AFTPH: variants seen among roughly 807,000 people sequenced by gnomAD.
The protein encoded by AFTPH is aftiphilin protein.
A neutral mutation model predicts 72.5 loss-of-function variants in AFTPH; 7 were observed. The ratio of observed to expected loss-of-function variants is 0.10; its 90% CI spans 0.05 to 0.18. AFTPH has a LOEUF of 0.18. Ranked by LOEUF, AFTPH falls within the 10% of genes least tolerant of loss-of-function variation. AFTPH has a pLI of 1.00. For synonymous variants in AFTPH, 337 were observed against 370.1 expected, an observed-to-expected ratio of 0.91 and a Z score of 1.03; for missense variants, 979 against 1,060.5, an observed-to-expected ratio of 0.92 and a Z score of 1.07.
chr2:64,559,654 A>G (rs186107897), intron 2 of AFTPH, among the ~76,000 whole-genome samples: 87 of 152,292 alleles, frequency 5.7e-4, no homozygotes, highest in Admixed American at 2.0e-3. Context: ...TCAAATCTTA[A>G]TCTCATCTAG....
chr2:64,551,401 G>C, intron 1 of AFTPH, 42 bp from the exon 2 acceptor site: 1 of 1,440,128 alleles, frequency 6.9e-7, no homozygotes, highest in Non-Finnish European at 9.4e-7. Context: ...CTTGTTCTAT[G>C]TAATCTGTCC....
intron 6 of AFTPH, 88 bp downstream of exon 6, chr2:64,573,156 T>G (rs1042538184): frequency 3.0e-6 from 3 of 1,002,928 alleles, no homozygotes; most frequent in Non-Finnish European, 4.4e-6. Context: ...CATTTATGAC[T>G]GTTTTAAAAA....
intron 2 of AFTPH, among the ~76,000 whole-genome samples, chr2:64,555,031 A>C (rs1294399562): frequency 6.6e-6 from 1 of 152,206 alleles, no homozygotes; most frequent in Non-Finnish European, 1.5e-5. Context: ...ATGGAATCTG[A>C]CAGATCTGAG....
chr2:64,525,374 T>C (rs1669194927), intron 1 of AFTPH: 1 of 154,172 alleles, frequency 6.5e-6, no homozygotes, highest in African/African-American at 2.4e-5. Context: ...GGTTTTTTTT[T>C]CCTTGTTGCT....
intron 6 of AFTPH, among the ~76,000 whole-genome samples, chr2:64,578,530 T>TA (rs1193754325): frequency 4.6e-5 from 7 of 151,560 alleles, no homozygotes; most frequent in Non-Finnish European, 8.8e-5. Context: ...GTTTGACAGT[T>TA]ACGAAATTTA....
At chr2:64,582,795 T>A (rs1673288178) in intron 7 of AFTPH, among the ~76,000 whole-genome samples, 1 of 152,188 alleles carries the variant, frequency 6.6e-6, no homozygotes, top group Admixed American at 6.5e-5. Flanking sequence ...GGTTTAAATT[T>A]AATTTTTGGT....
intron 2 of AFTPH, among the ~76,000 whole-genome samples, chr2:64,553,696 A>G (rs1394224371): frequency 1.9e-5 from 2 of 107,744 alleles, no homozygotes; most frequent in Non-Finnish European, 3.7e-5. Context: ...TAAATACCAT[A>G]TATGTTAAAA....
intron 3 of AFTPH, among the ~76,000 whole-genome samples, chr2:64,568,338 T>A (rs1672213598): frequency 1.3e-5 from 2 of 152,162 alleles, no homozygotes; most frequent in African/African-American, 4.8e-5. Flanking sequence ...AACTTCTTCC[T>A]GGACTTCTCT....
chr2:64,575,524 G>A (rs1483341548), intron 6 of AFTPH, among the ~76,000 whole-genome samples: 2 of 151,960 alleles, frequency 1.3e-5, no homozygotes, highest in Admixed American at 6.6e-5. Flanking sequence ...GGCTGAGGTG[G>A]GAAAATCACT....
chr2:64,574,282 T>C lies in AFTPH; in HGVS notation c.2394+1214T>C, dbSNP rs149760188. On this transcript the variant is annotated intron_variant, in intron 6 of 8. Coordinates refer to ENST00000238856, the Ensembl canonical transcript of AFTPH. ...TATGCTTGGACAGCCTTTCCCAAAA[T>C]GTGTTCCCATTGAACATTAATCCCC... 1.4e-3 allele frequency among the ~76,000 whole-genome samples: 211 copies of C among 152,338 alleles called. 1 individual carries two copies. The highest frequency in any genetic ancestry group is 5.0e-3 in the African/African-American group (206 of 41,574).
chr2:64,551,978 A>G, exon 2 of AFTPH: 1 of 1,613,878 alleles, frequency 6.2e-7, no homozygotes, highest in Non-Finnish European at 8.5e-7. Flanking sequence ...ACAAGCAGTT[A>G]GAGAGCTGCA....
At chr2:64,578,158 C>T (rs1205171101) in intron 6 of AFTPH, among the ~76,000 whole-genome samples, 1 of 152,142 alleles carries the variant, frequency 6.6e-6, no homozygotes, top group African/African-American at 2.4e-5. Flanking sequence ...TCCCAGTTAT[C>T]CAGACAGTCG....
chr2:64,581,013 G>GTAAT, intron 7 of AFTPH, 177 bp from the exon 8 acceptor site: 1 of 429,434 alleles, frequency 2.3e-6, no homozygotes. Flanking sequence ...AATGTCCTTA[G>GTAAT]TAATGAAAAG....
intron 2 of AFTPH, among the ~76,000 whole-genome samples, chr2:64,560,195 C>T (rs1435301515): frequency 6.6e-6 from 1 of 152,090 alleles, no homozygotes; most frequent in African/African-American, 2.4e-5. Flanking sequence ...CTTACTTGCA[C>T]CAGTGGATAA....
intron 7 of AFTPH, among the ~76,000 whole-genome samples, 191 bp downstream of exon 8, chr2:64,581,464 T>G (rs368687640): frequency 6.6e-6 from 1 of 152,246 alleles, no homozygotes; most frequent in South Asian, 2.1e-4. Flanking sequence ...CAAGGAAAAC[T>G]TTCTAATATT....
exon 7 of AFTPH, chr2:64,579,517 G>A (rs1157547418): frequency 6.2e-7 from 1 of 1,613,890 alleles, no homozygotes; most frequent in Admixed American, 1.7e-5. Flanking sequence ...TTTGACTGGA[G>A]TAGCAGTGGC....
At chr2:64,544,209 A>G (rs867339323) in intron 1 of AFTPH, among the ~76,000 whole-genome samples, 1 of 152,204 alleles carries the variant, frequency 6.6e-6, no homozygotes. Flanking sequence ...TCTCATAGAT[A>G]AATCTCCAAA....
At chr2:64,587,269 C>T (rs926514704) in intron 8 of AFTPH, among the ~76,000 whole-genome samples, 2 of 152,156 alleles carry the variant, frequency 1.3e-5, no homozygotes, top group Non-Finnish European at 2.9e-5. Context: ...GAGTTACTCG[C>T]TAGGACCTGT....
intron 1 of AFTPH, among the ~76,000 whole-genome samples, chr2:64,546,050 G>A (rs982353377): frequency 3.3e-4 from 50 of 151,682 alleles, no homozygotes; most frequent in African/African-American, 1.2e-3. Context: ...CCGCCACCAC[G>A]CCTGGCTAAT....
Sources: allele counts gnomAD v4.1 joint callset (sites outside exome capture counted in the v4.1 genomes callset), GRCh38; gene constraint gnomAD v4.1.1; transcripts MANE v1.5; gene names NCBI Gene and HGNC (gene_info 2026-07-23, HGNC 2026-07-21).